HCRTR2: variants seen among roughly 807,000 people sequenced by gnomAD.
HCRTR2 encodes orexin receptor type 2.
A neutral mutation model predicts 49.0 loss-of-function variants in HCRTR2; 22 were observed. That is an observed-to-expected ratio of 0.45 (90% CI 0.32 to 0.64). The LOEUF (loss-of-function observed/expected upper bound fraction) is 0.64. HCRTR2 is among the 30% of genes least tolerant of loss of function. HCRTR2 has a pLI of 0.04. For missense variants in HCRTR2, 491 were observed against 559.4 expected (o/e 0.88, Z 1.23); for synonymous variants, 236 against 205.3 (o/e 1.15, Z -1.28).
At chr6:55,116,106 T>C (rs903909720) in intron 1 of HCRTR2, among the ~76,000 whole-genome samples, 2 of 151,630 alleles carry the variant, frequency 1.3e-5, no homozygotes, top group African/African-American at 4.8e-5. Flanking sequence ...TGTGCTGTGG[T>C]AATAGAAATT....
At chr6:55,180,289 T>C (rs1218641998) in intron 1 of HCRTR2, among the ~76,000 whole-genome samples, 1 of 152,244 alleles carries the variant, frequency 6.6e-6, no homozygotes, top group Non-Finnish European at 1.5e-5. Flanking sequence ...AATTCCATGG[T>C]CCATGCTTAT....
At chr6:55,281,951 G>A (rs3823462) in intron 6 of HCRTR2, among the ~76,000 whole-genome samples, 31,471 of 152,020 alleles carry the variant, frequency 0.21, 3,754 homozygotes, top group East Asian at 0.28. Flanking sequence ...ACCAATATGC[G>A]TAAATATATG....
At chr6:55,114,436 T>C (rs973291845) in intron 1 of HCRTR2, among the ~76,000 whole-genome samples, 5 of 151,820 alleles carry the variant, frequency 3.3e-5, no homozygotes, top group African/African-American at 1.2e-4. Context: ...ACCAACACTG[T>C]TAACAGTATT....
At chr6:55,254,771 T>A in intron 2 of HCRTR2, among the ~76,000 whole-genome samples, 1 of 151,836 alleles carries the variant, frequency 6.6e-6, no homozygotes, top group East Asian at 1.9e-4. Context: ...TGTGTTTTTT[T>A]TTTTCTATAT....
intron 1 of HCRTR2, among the ~76,000 whole-genome samples, chr6:55,187,682 C>CT (rs5876430): frequency 0.36 from 37,032 of 102,148 alleles, 7,545 homozygotes; most frequent in Middle Eastern, 0.42. Context: ...ATTATTTGAT[C>CT]TTTTTTTTTT....
At chr6:55,183,608 G>T (rs1025518873) in intron 1 of HCRTR2, among the ~76,000 whole-genome samples, 1 of 152,130 alleles carries the variant, frequency 6.6e-6, no homozygotes, top group Non-Finnish European at 1.5e-5. Flanking sequence ...AGCATTTTGA[G>T]GAAAATGCAG....
chr6:55,133,592 A>G (rs965453992), intron 1 of HCRTR2, among the ~76,000 whole-genome samples: 1 of 151,874 alleles, frequency 6.6e-6, no homozygotes, highest in Non-Finnish European at 1.5e-5. Flanking sequence ...ATCTGTTGGC[A>G]ATGAAACATT....
Position 55,255,301 on chromosome 6 carries a change from G to C in HCRTR2, c.568G>C (p.Val190Leu). Residue 190 changes from valine (V) to leucine (L), a missense_variant, in exon 3 of 7, where the codon GTC becomes CTC. By Grantham distance (32) the Val-to-Leu change is conservative (BLOSUM62 1). Transcript: ENST00000370862. ...CATTATAATGATTCCTCAGGCCATC[G>C]TCATGGAGTGCAGCACCGTGTTCCC... ...SCIIMIPQAI[V>L]MECSTVFPGL... 1 of 1,613,968 alleles carries C rather than the reference G, an allele frequency of 6.2e-7. No homozygotes were observed. The highest frequency in any genetic ancestry group is 8.5e-7 in the Non-Finnish European group (1 of 1,179,920).
intron 1 of HCRTR2, among the ~76,000 whole-genome samples, chr6:55,211,060 A>G (rs1183324238): frequency 6.6e-6 from 1 of 152,120 alleles, no homozygotes. Context: ...AGTGTTCAGT[A>G]CAGTTACATG....
chr6:55,270,734 G>A (rs563750414), intron 4 of HCRTR2, among the ~76,000 whole-genome samples: 2 of 152,266 alleles, frequency 1.3e-5, no homozygotes, highest in East Asian at 3.9e-4. Flanking sequence ...TTAGACTTAA[G>A]TCACATCTAC....
At chr6:55,179,775 T>C (rs1765100480) in intron 1 of HCRTR2, among the ~76,000 whole-genome samples, 2 of 152,200 alleles carry the variant, frequency 1.3e-5, no homozygotes, top group Non-Finnish European at 2.9e-5. Context: ...TTGTATCATA[T>C]GATTTATATT....
chr6:55,260,977 C>T (rs1007169456), intron 3 of HCRTR2, among the ~76,000 whole-genome samples: 1 of 152,040 alleles, frequency 6.6e-6, no homozygotes, highest in Non-Finnish European at 1.5e-5. Flanking sequence ...TATTCCTCAA[C>T]AATACTATGG....
At chr6:55,139,330 A>C (rs952111296) in intron 1 of HCRTR2, among the ~76,000 whole-genome samples, 2 of 152,180 alleles carry the variant, frequency 1.3e-5, no homozygotes, top group African/African-American at 4.8e-5. Context: ...ATAGACTAAA[A>C]TAAATTAGTG....
At position 55,221,055 on chromosome 6, in the gene HCRTR2, C is replaced by T. The variant is rs188772594; in HGVS notation, c.224-27584C>T. ...ATTACCAAAAAATAATTTTAAAAGA[C>T]ACAAATAAATAGAAAGATAATTCTG... On this transcript the variant is annotated intron_variant, in intron 1 of 6. Transcript: ENST00000370862. 2.4e-4 allele frequency among the ~76,000 whole-genome samples: 36 copies of T among 152,180 alleles called. No homozygotes were observed. The East Asian group carries it at 6.8e-3, about 29-fold the overall frequency.
intron 1 of HCRTR2, among the ~76,000 whole-genome samples, chr6:55,219,952 G>A (rs900819254): frequency 6.6e-6 from 1 of 152,038 alleles, no homozygotes; most frequent in Non-Finnish European, 1.5e-5. Flanking sequence ...TAGAAGAAAT[G>A]TATAAATTCT....
At chr6:55,191,408 T>C (rs1373790362) in intron 1 of HCRTR2, among the ~76,000 whole-genome samples, 1 of 152,166 alleles carries the variant, frequency 6.6e-6, no homozygotes, top group Non-Finnish European at 1.5e-5. Context: ...ATGTCACTTC[T>C]TTTTACCATG....
chr6:55,125,571 G>A (rs1235279984), intron 1 of HCRTR2, among the ~76,000 whole-genome samples: 1 of 152,104 alleles, frequency 6.6e-6, no homozygotes, highest in Non-Finnish European at 1.5e-5. Context: ...CAACCTTGGT[G>A]AATATGATGA....
chr6:55,281,963 G>C (rs907160434), intron 6 of HCRTR2, among the ~76,000 whole-genome samples: 2 of 152,058 alleles, frequency 1.3e-5, no homozygotes, highest in Admixed American at 6.6e-5. Flanking sequence ...AAATATATGA[G>C]GTTTGACTAT....
chr6:55,214,691 A>G (rs1765757469), intron 1 of HCRTR2, among the ~76,000 whole-genome samples: 1 of 152,182 alleles, frequency 6.6e-6, no homozygotes, highest in Non-Finnish European at 1.5e-5. Context: ...TAGCAATTAT[A>G]AAGACAATGA....
Sources: allele counts gnomAD v4.1 joint callset (sites outside exome capture counted in the v4.1 genomes callset), GRCh38; gene constraint gnomAD v4.1.1; transcripts MANE v1.5; gene names NCBI Gene and HGNC (gene_info 2026-07-23, HGNC 2026-07-21).